Variants in CTNNA3 observed in about 807,000 individuals in gnomAD.
CTNNA3 encodes catenin alpha-3.
Under a neutral mutation model 95.7 loss-of-function variants are expected in CTNNA3, and 76 were observed. That is an observed-to-expected ratio of 0.79 (90% CI 0.66 to 0.96). The LOEUF (loss-of-function observed/expected upper bound fraction) is 0.96. CTNNA3 is among the 40% of genes least tolerant of loss of function. The probability of loss-of-function intolerance (pLI) is 0.00; values close to 1 mark genes in which losing one functional copy is unlikely to be tolerated. For synonymous variants in CTNNA3, 431 were observed against 374.4 expected (o/e 1.15, Z -1.74); for missense variants, 1,191 against 1,089.8 (o/e 1.09, Z -1.31).
chr10:66,279,018 T>A (rs1042590497), intron 13 of CTNNA3, among the ~76,000 whole-genome samples: 1 of 152,100 alleles, frequency 6.6e-6, no homozygotes, highest in Non-Finnish European at 1.5e-5. Context: ...GAAATAGTTG[T>A]AGGTTGCTCA....
At chr10:66,307,291 T>C (rs1279924711) in intron 12 of CTNNA3, among the ~76,000 whole-genome samples, 1 of 152,278 alleles carries the variant, frequency 6.6e-6, no homozygotes, top group Non-Finnish European at 1.5e-5. Context: ...AAAATAAAAA[T>C]TATTAAGAAC....
chr10:66,000,377 T>C (rs1589233476), intron 15 of CTNNA3, among the ~76,000 whole-genome samples: 1 of 152,304 alleles, frequency 6.6e-6, no homozygotes, highest in East Asian at 1.9e-4. Flanking sequence ...ACAGGTCAAT[T>C]AACTAGGGCT....
chr10:66,610,559 T>C (rs1345487368), intron 10 of CTNNA3, among the ~76,000 whole-genome samples: 1 of 151,998 alleles, frequency 6.6e-6, no homozygotes, highest in Non-Finnish European at 1.5e-5. Context: ...ATCAAGGAAA[T>C]TCAAATCAAA....
At chr10:66,458,561 T>C (rs893085974) in intron 11 of CTNNA3, among the ~76,000 whole-genome samples, 9 of 152,264 alleles carry the variant, frequency 5.9e-5, no homozygotes, top group Admixed American at 5.9e-4. Flanking sequence ...TAAAACTCTG[T>C]ACCCATTAAG....
chr10:66,794,237 A>G (rs4272690), intron 7 of CTNNA3, among the ~76,000 whole-genome samples: 49,214 of 152,000 alleles, frequency 0.32, 10,044 homozygotes, highest in African/African-American at 0.59. Context: ...CATCCTTTAC[A>G]TAACAAGTTG....
intron 5 of CTNNA3, among the ~76,000 whole-genome samples, chr10:67,260,939 C>G (rs1866583483): frequency 6.6e-6 from 1 of 152,146 alleles, no homozygotes; most frequent in African/African-American, 2.4e-5. Context: ...CCCACCTTGG[C>G]CTCCCAAAGT....
At chr10:66,386,473 A>T (rs2132513989) in intron 11 of CTNNA3, among the ~76,000 whole-genome samples, 1 of 152,350 alleles carries the variant, frequency 6.6e-6, no homozygotes, top group East Asian at 1.9e-4. Flanking sequence ...AGAACATTCC[A>T]TGCTCATGGA....
chr10:67,523,743 T>C (rs545495817), intron 4 of CTNNA3, among the ~76,000 whole-genome samples: 17 of 152,220 alleles, frequency 1.1e-4, no homozygotes, highest in African/African-American at 3.9e-4. Context: ...CAGTTCATTT[T>C]CCCCCACTTA....
intron 13 of CTNNA3, among the ~76,000 whole-genome samples, chr10:66,246,855 A>T (rs2090349796): frequency 6.6e-6 from 1 of 151,826 alleles, no homozygotes. Flanking sequence ...GATCAAGACC[A>T]TCCTGGCTAA....
At chr10:66,511,754 T>G (rs955601558) in intron 11 of CTNNA3, among the ~76,000 whole-genome samples, 1 of 151,892 alleles carries the variant, frequency 6.6e-6, no homozygotes, top group Admixed American at 6.6e-5. Flanking sequence ...TTTGAAAAAA[T>G]TATTTAGAGT....
At chr10:66,533,528 G>A (rs1841543288) in intron 10 of CTNNA3, among the ~76,000 whole-genome samples, 1 of 152,026 alleles carries the variant, frequency 6.6e-6, no homozygotes, top group Admixed American at 6.6e-5. Context: ...ATGTTCATTA[G>A]AGTGATCATC....
At chr10:66,685,347 ATATATTTTTTTTTTTTTTTTTTT>A (rs1847250831) in intron 9 of CTNNA3, among the ~76,000 whole-genome samples, 3 of 48,566 alleles carry the variant, frequency 6.2e-5, no homozygotes, top group African/African-American at 1.2e-4. Context: ...ATATATATAT[ATATATTTTTTTTTTTTTTTTTTT>A]TTTTTTTTTT....
At chr10:66,724,461 T>A (rs1285392882) in intron 9 of CTNNA3, among the ~76,000 whole-genome samples, 1 of 152,182 alleles carries the variant, frequency 6.6e-6, no homozygotes, top group Non-Finnish European at 1.5e-5. Context: ...AGCTCATTTA[T>A]ATTTGGCCCT....
intron 12 of CTNNA3, among the ~76,000 whole-genome samples, chr10:66,305,561 T>A (rs1045488659): frequency 6.6e-5 from 10 of 152,168 alleles, no homozygotes; most frequent in African/African-American, 2.4e-4. Flanking sequence ...AGTAAACATA[T>A]ATGATTTTAA....
chr10:67,684,718 G>T (rs1489374221), intron 1 of CTNNA3, among the ~76,000 whole-genome samples: 1 of 152,140 alleles, frequency 6.6e-6, no homozygotes, highest in Non-Finnish European at 1.5e-5. Flanking sequence ...GCTCATTTGG[G>T]GTTCCATTTG....
At chr10:67,330,652 C>T (rs903065616) in intron 5 of CTNNA3, among the ~76,000 whole-genome samples, 1 of 151,932 alleles carries the variant, frequency 6.6e-6, no homozygotes, top group Non-Finnish European at 1.5e-5. Flanking sequence ...CACCCCAGTA[C>T]CGTCCATAAA....
intron 15 of CTNNA3, among the ~76,000 whole-genome samples, chr10:66,044,821 G>A (rs1006545268): frequency 1.1e-4 from 17 of 152,224 alleles, no homozygotes; most frequent in Middle Eastern, 3.4e-3. Context: ...TTATTGTGTC[G>A]TCACTCTGTA....
chr10:67,461,675 A>G (rs759226638), intron 5 of CTNNA3, among the ~76,000 whole-genome samples: 10 of 152,214 alleles, frequency 6.6e-5, no homozygotes, highest in Admixed American at 2.0e-4. Context: ...AAGAAATCAT[A>G]AAATCTCTAT....
chr10:66,517,191 A>C (rs1428669123), intron 11 of CTNNA3, among the ~76,000 whole-genome samples: 1 of 152,146 alleles, frequency 6.6e-6, no homozygotes, highest in African/African-American at 2.4e-5. Context: ...ACTGCACTCA[A>C]GCCTGGGTGA....
Sources: allele counts gnomAD v4.1 joint callset (sites outside exome capture counted in the v4.1 genomes callset), GRCh38; gene constraint gnomAD v4.1.1; transcripts MANE v1.5; gene names NCBI Gene and HGNC (gene_info 2026-07-23, HGNC 2026-07-21).